The following PPP1R18 variants were observed in gnomAD, a reference collection of about 807,000 sequenced individuals.
PPP1R18 encodes the protein protein phosphatase 1 regulatory subunit 18, also known as phostensin.
Under a neutral mutation model 54.8 loss-of-function variants are expected in PPP1R18, and 31 were observed. The observed-to-expected ratio is 0.57, with a 90% CI of 0.43 to 0.76. The LOEUF is 0.76. Among genes scored for constraint, PPP1R18 ranks in the 30% least tolerant of loss-of-function variants. The pLI is 0.00. For missense variants in PPP1R18, 685 were observed against 776.1 expected, an observed-to-expected ratio of 0.88 and a Z score of 1.39; for synonymous variants, 310 against 320.2, an observed-to-expected ratio of 0.97 and a Z score of 0.34.
upstream of PPP1R18, chr6:30,687,314 AAGGACAATG>A (rs1311108886): frequency 6.5e-6 from 1 of 153,312 alleles, no homozygotes; most frequent in Non-Finnish European, 1.5e-5. The surrounding 1 kb of genome is among the most constrained non-coding windows in gnomAD (Gnocchi z 7.9). Context: ...CGCTTTGTCT[AAGGACAATG>A]AGGAGAGGGA....
At chr6:30,678,353 C>T (rs1770320261) in intron 2 of PPP1R18, among the ~76,000 whole-genome samples, 1 of 151,746 alleles carries the variant, frequency 6.6e-6, no homozygotes, top group South Asian at 2.1e-4. Context: ...GGAACCACAG[C>T]TGCGCACTGC....
At chr6:30,687,651 G>A (rs1771084383), upstream of PPP1R18, 1 of 152,400 alleles carries the variant, frequency 6.6e-6, no homozygotes, top group Non-Finnish European at 1.5e-5. This position sits in a 1 kb window ranked among gnomAD's most constrained non-coding sequence, Gnocchi z 7.9. Flanking sequence ...TGGGTCTGTA[G>A]GTCCAGCCTC....
chr6:30,685,508 C>A lies in PPP1R18; in HGVS notation c.511G>T (p.Asp171Tyr). 6.2e-7 allele frequency: 1 copy of A among 1,613,060 alleles called. No individual in the cohort carries two copies. Among genetic ancestry groups the A allele is most frequent in the Non-Finnish European group, 8.5e-7 (1 of 1,180,036 alleles). Reference protein sequence around the residue: ...ELSLRPLEARDWRQSPGEVGD... With the variant: ...ELSLRPLEARYWRQSPGEVGD... Reference sequence around the variant, plus strand: ...ACCTCTCCTGGGCTTTGCCTCCAGTCCCGAGCCTCCAGAGGCCTCAGGCTC... The same window carrying A: ...ACCTCTCCTGGGCTTTGCCTCCAGTACCGAGCCTCCAGAGGCCTCAGGCTC... Residue 171 changes from aspartate (D) to tyrosine (Y), a missense_variant, in exon 1 of 3, where the codon GAC becomes TAC. Asp to Tyr is a radical substitution (Grantham distance 160, BLOSUM62 -3). Transcript: ENST00000274853. This position sits in a 1 kb window ranked among gnomAD's most constrained non-coding sequence, Gnocchi z 5.0.
chr6:30,678,993 A>G (rs1452071690), intron 2 of PPP1R18, among the ~76,000 whole-genome samples, 186 bp downstream of exon 2: 1 of 152,160 alleles, frequency 6.6e-6, no homozygotes, highest in African/African-American at 2.4e-5. Context: ...TTGAAACCTG[A>G]AGACTCAATG....
In PPP1R18 at chr6:30,685,543, G is replaced by T. The variant is rs556349526; in HGVS notation, c.476C>A (p.Ala159Asp). 4 of 1,612,770 alleles carry T rather than the reference G, an allele frequency of 2.5e-6. No homozygotes were observed. In the South Asian group the frequency reaches 4.4e-5, roughly 18 times the overall value. Residue 159 changes from alanine to aspartate, a missense_variant, in exon 1 of 3, where the codon GCC (alanine) becomes GAC (aspartate). Ala to Asp is a moderately radical substitution (Grantham distance 126). Coordinates refer to ENST00000274853, the MANE Select transcript of PPP1R18 (RefSeq NM_133471.4). The surrounding 1 kb of genome is among the most constrained non-coding windows in gnomAD (Gnocchi z 5.0). ...CAGAGGCCTCAGGCTCAACTCTTGGGCTCCCCCTATCCCCAGCCTCCTCTC... is the reference window on the plus strand; with the variant it reads ...CAGAGGCCTCAGGCTCAACTCTTGGTCTCCCCCTATCCCCAGCCTCCTCTC... The part of the protein sequence containing the change: ...TRERRLGIGG[A>D]QELSLRPLEA...
upstream of PPP1R18, chr6:30,688,076 C>T (rs917173021): frequency 3.3e-5 from 5 of 153,756 alleles, no homozygotes; most frequent in African/African-American, 1.2e-4. This position sits in a 1 kb window ranked among gnomAD's most constrained non-coding sequence, Gnocchi z 5.9. Context: ...TTTTATTTTC[C>T]TGCAGAGCAT....
intron 1 of PPP1R18, among the ~76,000 whole-genome samples, chr6:30,680,448 G>A (rs948436794): frequency 3.9e-5 from 6 of 152,104 alleles, no homozygotes; most frequent in Admixed American, 6.5e-5. Flanking sequence ...GGGGTCAGCC[G>A]TACATCCCTG....
chr6:30,682,336 C>T (rs1168368590), intron 1 of PPP1R18, among the ~76,000 whole-genome samples: 3 of 152,176 alleles, frequency 2.0e-5, no homozygotes, highest in African/African-American at 7.2e-5. Context: ...GGGTAGGGCA[C>T]CAGCCACAGC....
At position 30,685,744 on chromosome 6, in the gene PPP1R18, C is replaced by T; in HGVS notation, c.275G>A (p.Arg92Gln). Reference sequence around the variant, plus strand: ...CTGCTGCTGCTGCTGCCGCTCCTGCCGGATGAATCGGTTCTGGTGCACTGG... The same window carrying T: ...CTGCTGCTGCTGCTGCCGCTCCTGCTGGATGAATCGGTTCTGGTGCACTGG... ...IGPVHQNRFI[R>Q]QERQQQQQQQ... The change falls in exon 1 of 3, where the codon CGG (arginine) becomes CAG (glutamine). Residue 92 changes from arginine to glutamine, a missense_variant. Transcript: ENST00000274853. The surrounding 1 kb of genome is among the most constrained non-coding windows in gnomAD (Gnocchi z 5.0). 2 of 1,613,052 alleles carry T rather than the reference C, an allele frequency of 1.2e-6. No individual in the cohort carries two copies. Among genetic ancestry groups the T allele is most frequent in the Non-Finnish European group, 1.7e-6 (2 of 1,180,000 alleles).
rs1441407529 is a variant in PPP1R18 at position 30,686,312 on chromosome 6, T to A, written c.-294A>T. The A allele has an allele frequency of 2.2e-6, 1 of 460,540 alleles. No homozygotes were observed. Among genetic ancestry groups the A allele is most frequent in the Non-Finnish European group, 3.8e-6 (1 of 260,502 alleles). The allele number at this position is 460,540 out of a possible 1,614,324, so 28.5% of individuals were successfully genotyped here. On this transcript the variant is annotated 5_prime_UTR_variant, in exon 1 of 3. Coordinates refer to ENST00000274853, the MANE Select transcript of PPP1R18 (RefSeq NM_133471.4). ...GGAGGCAATGAGGGCAGGAGCCAGA[T>A]GTGGCAGCACAGGGTTAATGCGTAT...
Position 30,677,273 on chromosome 6 carries a change from C to T in PPP1R18, c.1838G>A (p.Arg613Gln), listed in dbSNP as rs74802004. ...TATCCCTATGTTGGAAGATGGTCACCGCCGGCAGGACTCATCTGTGGGAGA... is the reference window on the plus strand; with the variant it reads ...TATCCCTATGTTGGAAGATGGTCACTGCCGGCAGGACTCATCTGTGGGAGA... Reference protein sequence around the residue: ...KALIVDESCRR With the variant: ...KALIVDESCRQ The change falls in exon 3 of 3, where the codon CGG becomes CAG. Residue 613 changes from arginine (R) to glutamine (Q), a missense_variant. By Grantham distance (43) the Arg-to-Gln change is conservative (BLOSUM62 1). Coordinates refer to ENST00000274853, the MANE Select transcript of PPP1R18 (RefSeq NM_133471.4). 1.4e-3 allele frequency: 2,208 copies of T among 1,603,594 alleles called. 37 individuals are homozygous for T. In the African/African-American group the frequency reaches 0.026, roughly 19 times the overall value.
chr6:30,685,193 A>G lies in PPP1R18; in HGVS notation c.826T>C (p.Cys276Arg). 1.2e-6 allele frequency: 2 copies of G among 1,612,664 alleles called. No homozygotes were observed. Among genetic ancestry groups the G allele is most frequent in the South Asian group, 2.2e-5 (2 of 91,040 alleles). Reference sequence around the variant, plus strand: ...ACTGGCCACTCTTCTTTTCTCCCACATTCTTCCGAGTAGTCTTGTCTTTCT... The same window carrying G: ...ACTGGCCACTCTTCTTTTCTCCCACGTTCTTCCGAGTAGTCTTGTCTTTCT... The part of the protein sequence containing the change: ...GEERQDYSEE[C>R]GRKEEWPVPG... Residue 276 changes from cysteine to arginine, a missense_variant, in exon 1 of 3, where the codon TGT (cysteine) becomes CGT (arginine). Coordinates refer to ENST00000274853, the MANE Select transcript of PPP1R18 (RefSeq NM_133471.4). This position sits in a 1 kb window ranked among gnomAD's most constrained non-coding sequence, Gnocchi z 5.0.
rs748214136 is a variant in PPP1R18, at chr6:30,685,804, G to A, written c.215C>T (p.Pro72Leu). 7.4e-6 allele frequency: 12 copies of A among 1,612,914 alleles called. No homozygotes were observed. The highest frequency in any genetic ancestry group is 2.2e-5 in the East Asian group (1 of 44,900). Residue 72 changes from proline (P) to leucine (L), a missense_variant, in exon 1 of 3, where the codon CCG (proline) becomes CTG (leucine). Transcript: ENST00000274853. This position sits in a 1 kb window ranked among gnomAD's most constrained non-coding sequence, Gnocchi z 5.0. ...CTCCAGAAGGACCGCAGACTCATCC[G>A]GGTCTGGAGGTCCAGCCTCTACAGT... is the stretch of plus-strand genomic sequence containing the variant. ...LGTVEAGPPD[P>L]DESAVLLEAI...
At chr6:30,680,610 C>A (rs1031845548) in intron 1 of PPP1R18, among the ~76,000 whole-genome samples, 6 of 152,034 alleles carry the variant, frequency 3.9e-5, no homozygotes, top group Admixed American at 3.9e-4. Flanking sequence ...GGGAGGATTT[C>A]TTGAGCCCAG....
In PPP1R18 at chr6:30,685,390, C is replaced by T. The variant is rs376250744; in HGVS notation, c.629G>A (p.Arg210Gln). 9.9e-6 allele frequency: 16 copies of T among 1,612,942 alleles called. 1 individual carries two copies. The highest frequency in any genetic ancestry group is 6.6e-5 in the South Asian group (6 of 91,086). ...PERSLRLAES[R>Q]EQSPRRKEVE... ...CTCTTTTCTCCTGGGGCTTTGCTCT[C>T]GAGACTCTGCTAGTCTCAGACTCCG... Residue 210 changes from arginine to glutamine, a missense_variant, in exon 1 of 3, where the codon CGA becomes CAA. Coordinates refer to ENST00000274853, the MANE Select transcript of PPP1R18 (RefSeq NM_133471.4). The surrounding 1 kb of genome is among the most constrained non-coding windows in gnomAD (Gnocchi z 5.0).
At position 30,684,861 on chromosome 6, in the gene PPP1R18, C is replaced by A; in HGVS notation, c.1158G>T (p.Gln386His). Reference sequence around the variant, plus strand: ...TCTGCAGGGCTCTCAGAGGCCTGCCCTGAGCCCCCGCCTCCTCCTTCTCAG... The same window carrying A: ...TCTGCAGGGCTCTCAGAGGCCTGCCATGAGCCCCCGCCTCCTCCTTCTCAG... ...GEAEKEEAGA[Q>H]GRPLRALQNC... The change falls in exon 1 of 3, where the codon CAG (glutamine) becomes CAT (histidine). Residue 386 changes from glutamine to histidine, a missense_variant. By Grantham distance (24) the Gln-to-His change is conservative. Transcript: ENST00000274853. This position sits in a 1 kb window ranked among gnomAD's most constrained non-coding sequence, Gnocchi z 6.0. 1 of 1,612,914 alleles carries A rather than the reference C, an allele frequency of 6.2e-7. No homozygotes were observed. The highest frequency in any genetic ancestry group is 8.5e-7 in the Non-Finnish European group (1 of 1,180,030).
chr6:30,684,500 G>C lies in PPP1R18; in HGVS notation c.1519C>G (p.Pro507Ala), dbSNP rs749587319. ...AVPGAGKKRY[P>A]TAEEILVLGG... is the part of the protein sequence containing the mutation. ...AGAACCAAGATCTCCTCGGCAGTTG[G>C]GTACCGCTTCTTCCCAGCCCCCGGG... is the stretch of plus-strand genomic sequence containing the variant. The change falls in exon 1 of 3, where the codon CCA (proline) becomes GCA (alanine). Residue 507 changes from proline (P) to alanine (A), a missense_variant. Coordinates refer to ENST00000274853, the MANE Select transcript of PPP1R18 (RefSeq NM_133471.4). The surrounding 1 kb of genome is among the most constrained non-coding windows in gnomAD (Gnocchi z 6.0). 1 of 1,612,550 alleles carries C rather than the reference G, an allele frequency of 6.2e-7. No homozygotes were observed. The highest frequency in any genetic ancestry group is 8.5e-7 in the Non-Finnish European group (1 of 1,179,760).
At chr6:30,681,997 G>A (rs79166578) in intron 1 of PPP1R18, among the ~76,000 whole-genome samples, 8,219 of 152,170 alleles carry the variant, frequency 0.054, 398 homozygotes, top group African/African-American at 0.13. Flanking sequence ...AGAAGGGACC[G>A]CTTAGGTTTC....
chr6:30,677,388 G>C (rs1040591431), intron 2 of PPP1R18, 100 bp from the exon 3 acceptor site: 12 of 993,854 alleles, frequency 1.2e-5, no homozygotes, highest in East Asian at 1.0e-4. Context: ...TGGCATGCAG[G>C]AAGTCCTATA....
Sources: allele counts gnomAD v4.1 joint callset (sites outside exome capture counted in the v4.1 genomes callset), GRCh38; gene constraint gnomAD v4.1.1; non-coding constraint Gnocchi (gnomAD v3.1); transcripts MANE v1.5; gene names NCBI Gene and HGNC (gene_info 2026-07-23, HGNC 2026-07-21).